CUX1: variants seen among roughly 807,000 people sequenced by gnomAD.
CUX1 encodes the protein protein CASP.
CUX1 carries 31 observed loss-of-function variants against 158.8 expected under a neutral mutation model. The observed-to-expected ratio is 0.20, with a 90% CI of 0.15 to 0.26. The LOEUF (loss-of-function observed/expected upper bound fraction) is 0.26, where lower values mean the gene tolerates loss of function less well. Ranked by LOEUF, CUX1 falls within the 10% of genes least tolerant of loss-of-function variation. CUX1 has a pLI of 1.00. For synonymous variants in CUX1, 879 were observed against 862.1 expected (o/e 1.02, Z -0.34); for missense variants, 1,589 against 2,014.6 (o/e 0.79, Z 4.04).
intron 1 of CUX1, among the ~76,000 whole-genome samples, chr7:101,835,562 TTTTA>T (rs979538208): frequency 1.3e-5 from 2 of 152,154 alleles, no homozygotes; most frequent in African/African-American, 2.4e-5. Context: ...GTCTGTTGTA[TTTTA>T]TTTATTTATT....
Position 102,257,574 on chromosome 7 carries a change from C to A in CUX1, c.*8532C>A. The A allele has an allele frequency of 1.0e-6, 1 of 985,328 alleles. No homozygotes were observed. Among genetic ancestry groups the A allele is most frequent in the Non-Finnish European group, 1.2e-6 (1 of 829,918 alleles). 61.0% of individuals were successfully genotyped at this position (985,328 alleles called of 1,614,324 possible). A position where few individuals can be genotyped will look rare whatever the true frequency, so the allele number is the denominator to read the frequency against. ...ATTGAATAAGAGACCTAGTTCTTTG[C>A]GTTTGTGCAATAACTCTTTGCTGCT... On this transcript the variant is annotated 3_prime_UTR_variant, in exon 24 of 24. Coordinates refer to ENST00000292535, the MANE Select transcript of CUX1 (RefSeq NM_181552.4).
intron 1 of CUX1, among the ~76,000 whole-genome samples, chr7:101,838,783 A>G (rs1794905539): frequency 6.6e-6 from 1 of 151,844 alleles, no homozygotes. Flanking sequence ...AGCTTTGGCA[A>G]CAAAAGTAAA....
intron 1 of CUX1, among the ~76,000 whole-genome samples, chr7:101,850,640 A>G (rs992764571): frequency 3.3e-5 from 5 of 151,930 alleles, no homozygotes; most frequent in Non-Finnish European, 5.9e-5. Context: ...TCCGCCTCCC[A>G]AAAAGCTGGG....
chr7:102,101,984 G>C (rs1345487860), intron 5 of CUX1, among the ~76,000 whole-genome samples: 1 of 151,966 alleles, frequency 6.6e-6, no homozygotes, highest in African/African-American at 2.4e-5. Context: ...TAGCAGAGCA[G>C]TTCAGGCTTT....
intron 1 of CUX1, among the ~76,000 whole-genome samples, chr7:101,839,280 G>T (rs191135958): frequency 6.6e-6 from 1 of 152,226 alleles, no homozygotes; most frequent in African/African-American, 2.4e-5. Flanking sequence ...GGTCACCCTC[G>T]GTGGTATCTG....
chr7:102,102,328 G>A, intron 5 of CUX1, among the ~76,000 whole-genome samples: 1 of 148,636 alleles, frequency 6.7e-6, no homozygotes, highest in Non-Finnish European at 1.5e-5. Context: ...GGAGGCTGAG[G>A]CAGGAGAATT....
intron 1 of CUX1, among the ~76,000 whole-genome samples, chr7:101,907,664 G>A (rs1238625394): frequency 3.9e-5 from 6 of 152,022 alleles, no homozygotes; most frequent in Admixed American, 6.6e-5. Flanking sequence ...TATGAAATAA[G>A]CAAAAACATG....
chr7:102,189,751 C>T lies in CUX1; in HGVS notation c.1018-62C>T, dbSNP rs191102313. 1,415 of 1,566,002 alleles carry T rather than the reference C, an allele frequency of 9.0e-4. 2 individuals carry two copies. Among genetic ancestry groups the T allele is most frequent in the Non-Finnish European group, 1.1e-3 (1,270 of 1,136,818 alleles). On this transcript the variant is annotated intron_variant, in intron 11 of 23. Coordinates refer to ENST00000292535, the MANE Select transcript of CUX1 (RefSeq NM_181552.4). ...CTGGCTGTTCCGCAGTGAATGCCGTCGGTGAAGTCCGTCGACCTGTTGTCA... is the reference window on the plus strand; with the variant it reads ...CTGGCTGTTCCGCAGTGAATGCCGTTGGTGAAGTCCGTCGACCTGTTGTCA...
chr7:102,049,444 C>T (rs1187149557), intron 3 of CUX1, among the ~76,000 whole-genome samples: 1 of 152,192 alleles, frequency 6.6e-6, no homozygotes, highest in Non-Finnish European at 1.5e-5. Context: ...CTCCGAAGCC[C>T]ATGCTTATTC....
chr7:101,827,015 A>C (rs1320849562), intron 1 of CUX1, among the ~76,000 whole-genome samples: 1 of 152,204 alleles, frequency 6.6e-6, no homozygotes, highest in Non-Finnish European at 1.5e-5. Context: ...CACCTATGGA[A>C]TAGATGTTTC....
At chr7:101,911,528 G>A (rs1039972261) in intron 1 of CUX1, among the ~76,000 whole-genome samples, 2 of 152,008 alleles carry the variant, frequency 1.3e-5, no homozygotes, top group Admixed American at 6.6e-5. Context: ...TGCTGTGGAC[G>A]ACCTGAGCCT....
intron 2 of CUX1, among the ~76,000 whole-genome samples, chr7:101,981,353 T>C (rs1168532482): frequency 6.6e-6 from 1 of 152,206 alleles, no homozygotes; most frequent in East Asian, 1.9e-4. Flanking sequence ...TTTTTGTGAA[T>C]GAAAGAGTGG....
At chr7:102,158,972 T>G (rs1268447810) in intron 9 of CUX1, among the ~76,000 whole-genome samples, 1 of 152,076 alleles carries the variant, frequency 6.6e-6, no homozygotes, top group Non-Finnish European at 1.5e-5. Context: ...GGAGAGTTCC[T>G]TAGTGTAGAC....
intron 2 of CUX1, among the ~76,000 whole-genome samples, chr7:101,951,188 G>A (rs1420104078): frequency 2.0e-5 from 3 of 151,998 alleles, no homozygotes; most frequent in African/African-American, 7.3e-5. Flanking sequence ...AAAATAAGCC[G>A]GGTGTGGTGG....
chr7:102,176,749 T>A (rs374134002), intron 10 of CUX1, among the ~76,000 whole-genome samples: 3 of 151,706 alleles, frequency 2.0e-5, no homozygotes, highest in East Asian at 3.9e-4. Context: ...TTTTTGTATT[T>A]TTTTGTAGAG....
At position 102,083,351 on chromosome 7, in the gene CUX1, G is replaced by C. The variant is rs1827646636; in HGVS notation, c.268+12934G>C. On this transcript the variant is annotated intron_variant, in intron 4 of 23. Transcript: ENST00000292535. The stretch of plus-strand genomic sequence containing the variant: ...AGACAGGGTCTTGCTCTGTTGCCCA[G>C]GCTGGAGTGTAGTGATATAGTCATA... Among the ~76,000 whole-genome samples, 2 of 147,234 alleles carry C rather than the reference G, an allele frequency of 1.4e-5. 1 individual carries two copies. The highest frequency in any genetic ancestry group is 4.3e-4 in the South Asian group (2 of 4,610).
intron 1 of CUX1, among the ~76,000 whole-genome samples, chr7:101,888,686 T>A (rs1242489732): frequency 5.3e-5 from 8 of 152,058 alleles, no homozygotes; most frequent in Admixed American, 5.2e-4. Flanking sequence ...GCCTCCTGGG[T>A]TCATGTGATT....
chr7:102,039,820 A>G (rs141965608), intron 3 of CUX1, among the ~76,000 whole-genome samples: 3 of 152,170 alleles, frequency 2.0e-5, no homozygotes, highest in East Asian at 1.9e-4. Flanking sequence ...GCGCTTTGCT[A>G]CAACCACGAT....
intron 8 of CUX1, among the ~76,000 whole-genome samples, chr7:102,145,057 A>C (rs980875320): frequency 1.4e-4 from 21 of 148,158 alleles, no homozygotes; most frequent in African/African-American, 5.3e-4. Context: ...ACTGCACTCC[A>C]ACCTGGGCGA....
Sources: gnomAD v4.1 joint callset for allele counts (sites outside exome capture counted in the v4.1 genomes callset) on GRCh38, gnomAD v4.1.1 for gene constraint, MANE v1.5 for transcripts, NCBI Gene and HGNC (gene_info 2026-07-23, HGNC 2026-07-21) for gene names.